C1orf21: variants seen among roughly 807,000 people sequenced by gnomAD.
C1orf21 encodes uncharacterized protein C1orf21.
A neutral mutation model predicts 18.7 loss-of-function variants in C1orf21; 3 were observed. The observed-to-expected ratio is 0.16, with a 90% CI of 0.07 to 0.42. The LOEUF is 0.42. Among genes scored for constraint, C1orf21 ranks in the 10% least tolerant of loss-of-function variants. C1orf21 has a pLI of 0.99. For missense variants in C1orf21, 104 were observed against 143.6 expected (o/e 0.72, Z 1.41); for synonymous variants, 41 against 46.4 (o/e 0.88, Z 0.47).
intron 2 of C1orf21, among the ~76,000 whole-genome samples, chr1:184,497,217 T>G (rs927988854): frequency 9.2e-5 from 14 of 152,232 alleles, no homozygotes. Context: ...TGGAAGTTAG[T>G]GTGTTCATAT....
At chr1:184,390,651 A>G (rs1251111224) in intron 1 of C1orf21, among the ~76,000 whole-genome samples, 1 of 152,192 alleles carries the variant, frequency 6.6e-6, no homozygotes, top group Non-Finnish European at 1.5e-5. Flanking sequence ...TACATGATAT[A>G]TAATACAGGT....
chr1:184,508,497 C>T (rs927827300), intron 3 of C1orf21, among the ~76,000 whole-genome samples: 1 of 152,000 alleles, frequency 6.6e-6, no homozygotes, highest in Non-Finnish European at 1.5e-5. Flanking sequence ...TTTCACTTGA[C>T]TTAAACTCGT....
chr1:184,469,038 C>T (rs2101987189), intron 1 of C1orf21, among the ~76,000 whole-genome samples: 1 of 151,732 alleles, frequency 6.6e-6, no homozygotes, highest in East Asian at 1.9e-4. Flanking sequence ...AGTTCAAAAC[C>T]AGTGTGGCCA....
intron 3 of C1orf21, among the ~76,000 whole-genome samples, chr1:184,582,837 G>A (rs918418609): frequency 1.6e-4 from 25 of 152,002 alleles, no homozygotes; most frequent in African/African-American, 6.0e-4. Flanking sequence ...TTGTTTGTTT[G>A]TTTGTTTGTT....
chr1:184,463,100 AAAGAAG>A (rs1332140278), intron 1 of C1orf21, among the ~76,000 whole-genome samples: 1 of 151,218 alleles, frequency 6.6e-6, no homozygotes, highest in South Asian at 2.1e-4. Context: ...AAAAAAAAAA[AAAGAAG>A]AAGAAGAAGA....
intron 1 of C1orf21, among the ~76,000 whole-genome samples, chr1:184,421,733 A>G (rs941467705): frequency 5.9e-5 from 9 of 152,162 alleles, no homozygotes; most frequent in Non-Finnish European, 1.0e-4. Flanking sequence ...TACCTCCTCC[A>G]TGGGTGAGAA....
intron 1 of C1orf21, among the ~76,000 whole-genome samples, chr1:184,469,552 G>A (rs779657289): frequency 1.2e-4 from 18 of 152,158 alleles, no homozygotes; most frequent in Non-Finnish European, 2.4e-4. Flanking sequence ...TTTGTCATCT[G>A]GCACCATGAA....
intron 3 of C1orf21, among the ~76,000 whole-genome samples, chr1:184,586,141 C>A (rs1197367632): frequency 6.6e-6 from 1 of 152,144 alleles, no homozygotes; most frequent in Non-Finnish European, 1.5e-5. Context: ...TTTTTAATAG[C>A]CATTCTGATT....
intron 3 of C1orf21, among the ~76,000 whole-genome samples, chr1:184,577,538 G>A (rs1326220361): frequency 6.6e-6 from 1 of 152,156 alleles, no homozygotes; most frequent in Non-Finnish European, 1.5e-5. Flanking sequence ...AGAGAGTTGT[G>A]GGTGTGTCCA....
At chr1:184,422,537 G>A (rs971444233) in intron 1 of C1orf21, among the ~76,000 whole-genome samples, 2 of 152,198 alleles carry the variant, frequency 1.3e-5, no homozygotes, top group Non-Finnish European at 2.9e-5. Flanking sequence ...GAAAGTAGAA[G>A]TACAAAGAGT....
chr1:184,388,202 AG>A (rs1413876807), intron 1 of C1orf21, among the ~76,000 whole-genome samples: 10 of 152,108 alleles, frequency 6.6e-5, no homozygotes, highest in Admixed American at 5.9e-4. Context: ...CCTGGGCTTA[AG>A]GGCTCTCAGC....
At chr1:184,481,675 C>T (rs1356420238) in intron 2 of C1orf21, among the ~76,000 whole-genome samples, 2 of 152,114 alleles carry the variant, frequency 1.3e-5, no homozygotes, top group African/African-American at 4.8e-5. Context: ...CTCCCAACAC[C>T]CACATTGAAA....
At chr1:184,460,667 C>G (rs1375472929) in intron 1 of C1orf21, among the ~76,000 whole-genome samples, 2 of 130,402 alleles carry the variant, frequency 1.5e-5, no homozygotes, top group Non-Finnish European at 3.4e-5. Context: ...TCTTCTTCTT[C>G]TTCTTCTTCT....
intron 2 of C1orf21, among the ~76,000 whole-genome samples, chr1:184,484,985 G>A (rs1019490614): frequency 2.0e-5 from 3 of 151,894 alleles, no homozygotes; most frequent in African/African-American, 4.8e-5. Context: ...CAAGGTTATG[G>A]TGAAAATTAA....
chr1:184,620,906 G>T lies in C1orf21; in HGVS notation c.*1350G>T. 1 of 152,562 alleles carries T rather than the reference G, an allele frequency of 6.6e-6. No homozygotes were observed. The highest frequency in any genetic ancestry group is 1.9e-4 in the East Asian group (1 of 5,190). The allele number at this position is 152,562 out of a possible 1,614,324, so 9.5% of individuals were successfully genotyped here. The stretch of plus-strand genomic sequence containing the variant: ...TTTTTTTAATGTGTTTGATAGCTTT[G>T]ACGAGGGTTCTCTTTGTTACTTTCA... On this transcript the variant is annotated 3_prime_UTR_variant, in exon 6 of 6. Transcript: ENST00000235307.
chr1:184,493,646 G>A (rs1657849044), intron 2 of C1orf21, among the ~76,000 whole-genome samples: 1 of 152,128 alleles, frequency 6.6e-6, no homozygotes, highest in South Asian at 2.1e-4. Flanking sequence ...GTATGAAATA[G>A]GATTTTATTT....
chr1:184,486,034 T>C (rs1657727944), intron 2 of C1orf21, among the ~76,000 whole-genome samples: 1 of 152,154 alleles, frequency 6.6e-6, no homozygotes, highest in Non-Finnish European at 1.5e-5. Context: ...CTCCCTGATG[T>C]CTTGAGCTGA....
intron 3 of C1orf21, among the ~76,000 whole-genome samples, chr1:184,533,842 T>G (rs994359565): frequency 7.2e-5 from 11 of 152,204 alleles, no homozygotes; most frequent in Admixed American, 6.5e-4. Flanking sequence ...GAGCATTTTC[T>G]TCAACATTTG....
chr1:184,448,989 ACTTAATTTTTAATT>A (rs1162297756), intron 1 of C1orf21, among the ~76,000 whole-genome samples: 1 of 152,288 alleles, frequency 6.6e-6, no homozygotes, highest in East Asian at 1.9e-4. Flanking sequence ...AGGTGACGAA[ACTTAATTTTTAATT>A]TATTTTTTAG....
Sources: allele counts gnomAD v4.1 joint callset (sites outside exome capture counted in the v4.1 genomes callset), GRCh38; gene constraint gnomAD v4.1.1; transcripts MANE v1.5; gene names NCBI Gene and HGNC (gene_info 2026-07-23, HGNC 2026-07-21).